PBRM1: variants seen among roughly 807,000 people sequenced by gnomAD.
PBRM1 encodes the protein polybromo 1, also known as protein polybromo-1.
PBRM1 carries 27 observed loss-of-function variants against 194.5 expected under a neutral mutation model. That is an observed-to-expected ratio of 0.14 (90% CI 0.10 to 0.19). The LOEUF (loss-of-function observed/expected upper bound fraction) is 0.19, where lower values mean the gene tolerates loss of function less well. PBRM1 is among the 10% of genes least tolerant of loss of function. The pLI is 1.00. For missense variants in PBRM1, 1,466 were observed against 2,077.2 expected, an observed-to-expected ratio of 0.71 and a Z score of 5.72; for synonymous variants, 655 against 693.2, an observed-to-expected ratio of 0.94 and a Z score of 0.87.
At chr3:52,613,337 G>GT (rs577658031) in intron 15 of PBRM1, among the ~76,000 whole-genome samples, 18,223 of 140,048 alleles carry the variant, frequency 0.13, 2,758 homozygotes, top group African/African-American at 0.37. Context: ...GGACTATTCT[G>GT]TTTTTTTTTT....
chr3:52,602,667 C>T (rs1045084376), intron 17 of PBRM1, among the ~76,000 whole-genome samples: 9 of 152,216 alleles, frequency 5.9e-5, no homozygotes, highest in African/African-American at 2.2e-4. Flanking sequence ...ATAGATTCCC[C>T]TCTCCCCTAA....
intron 20 of PBRM1, among the ~76,000 whole-genome samples, chr3:52,583,852 C>T (rs1190801583): frequency 6.6e-6 from 1 of 151,976 alleles, no homozygotes; most frequent in African/African-American, 2.4e-5. Flanking sequence ...GCTATGTTGC[C>T]CAGGGTGGTC....
chr3:52,673,671 CAAAAA>C (rs1324914906), intron 2 of PBRM1, among the ~76,000 whole-genome samples: 1 of 39,254 alleles, frequency 2.5e-5, no homozygotes, highest in Non-Finnish European at 6.2e-5. Flanking sequence ...GACTCCATCT[CAAAAA>C]AAAAAAAAAA....
At chr3:52,592,067 C>T (rs2093130695) in intron 17 of PBRM1, among the ~76,000 whole-genome samples, 1 of 151,036 alleles carries the variant, frequency 6.6e-6, no homozygotes, top group African/African-American at 2.4e-5. Context: ...CCTTGTGATC[C>T]ACCCGCCTCA....
intron 2 of PBRM1, among the ~76,000 whole-genome samples, chr3:52,670,124 T>C (rs1442061218): frequency 6.6e-6 from 1 of 152,216 alleles, no homozygotes; most frequent in Non-Finnish European, 1.5e-5. Context: ...CTAAGGGGAC[T>C]ATCTGTAGAC....
chr3:52,662,553 C>T (rs2096745637), intron 3 of PBRM1, among the ~76,000 whole-genome samples: 1 of 152,132 alleles, frequency 6.6e-6, no homozygotes, highest in South Asian at 2.1e-4. Context: ...TATGACCGGG[C>T]ACAGTGGCTC....
chr3:52,554,940 A>G, intron 26 of PBRM1, 61 bp from the exon 29 acceptor site: 1 of 1,416,208 alleles, frequency 7.1e-7, no homozygotes, highest in Non-Finnish European at 9.9e-7. Context: ...GCTAAGTAAT[A>G]ACAACCAACC....
At chr3:52,658,122 T>G in intron 5 of PBRM1, 77 bp downstream of exon 6, 1 of 762,070 alleles carries the variant, frequency 1.3e-6, no homozygotes, top group Admixed American at 1.9e-5. Context: ...TTACTTTATT[T>G]ATCAGTAATT....
intron 24 of PBRM1, among the ~76,000 whole-genome samples, chr3:52,562,924 A>T (rs2084025026): frequency 6.6e-6 from 1 of 152,186 alleles, no homozygotes; most frequent in South Asian, 2.1e-4. Context: ...GGAGAGATTA[A>T]AAAGACACGG....
downstream of PBRM1, chr3:52,545,863 T>G (rs2079616040): frequency 4.3e-6 from 1 of 233,076 alleles, no homozygotes; most frequent in Non-Finnish European, 8.5e-6. Flanking sequence ...TTTTTTTCTT[T>G]TTTGAAGATG....
At chr3:52,664,009 G>A (rs1302310164) in intron 3 of PBRM1, among the ~76,000 whole-genome samples, 1 of 150,262 alleles carries the variant, frequency 6.7e-6, no homozygotes, top group Non-Finnish European at 1.5e-5. Flanking sequence ...GCAGTAAGCC[G>A]AGATAGCGCC....
chr3:52,604,488 G>T (rs1171001871), intron 16 of PBRM1, among the ~76,000 whole-genome samples: 1 of 152,014 alleles, frequency 6.6e-6, no homozygotes, highest in African/African-American at 2.4e-5. Context: ...ACTGCTTAAG[G>T]CCAGGAGTTT....
At chr3:52,604,493 G>C (rs989466469) in intron 16 of PBRM1, among the ~76,000 whole-genome samples, 2 of 152,152 alleles carry the variant, frequency 1.3e-5, no homozygotes, top group Non-Finnish European at 2.9e-5. Context: ...TTAAGGCCAG[G>C]AGTTTGAGAC....
chr3:52,629,843 G>A (rs1393549856), intron 11 of PBRM1, among the ~76,000 whole-genome samples: 1 of 152,232 alleles, frequency 6.6e-6, no homozygotes. Flanking sequence ...ACAATAATAT[G>A]TATAAACAGC....
At chr3:52,610,110 C>T (rs960432373) in intron 15 of PBRM1, among the ~76,000 whole-genome samples, 155 bp from the exon 18 acceptor site, 33 of 152,098 alleles carry the variant, frequency 2.2e-4, no homozygotes, top group Non-Finnish European at 5.9e-5. Flanking sequence ...CAAAAAAGTA[C>T]TAAAAATTTT....
intron 13 of PBRM1, among the ~76,000 whole-genome samples, chr3:52,625,700 G>A (rs371524308): frequency 2.6e-5 from 4 of 151,438 alleles, no homozygotes; most frequent in African/African-American, 4.8e-5. Flanking sequence ...TCAGCCTCCC[G>A]AGTAGCTGGG....
At chr3:52,677,357 C>T (rs2154050671) in intron 2 of PBRM1, among the ~76,000 whole-genome samples, 2 of 152,070 alleles carry the variant, frequency 1.3e-5, no homozygotes, top group South Asian at 4.2e-4. Flanking sequence ...AATTCTCCTG[C>T]CTCAGCCTCC....
chr3:52,563,010 C>T (rs76759198), intron 24 of PBRM1, among the ~76,000 whole-genome samples: 1,956 of 152,144 alleles, frequency 0.013, 16 homozygotes, highest in South Asian at 0.03. Context: ...AGTCTTCTAA[C>T]TAAGCCCACC....
chr3:52,668,416 G>A (rs2153985243), intron 3 of PBRM1, 82 bp downstream of exon 4: 3 of 987,694 alleles, frequency 3.0e-6, no homozygotes, highest in Non-Finnish European at 3.0e-6. Context: ...CTACTCACCT[G>A]CCAGGTTTAT....
Sources: allele counts gnomAD v4.1 joint callset (sites outside exome capture counted in the v4.1 genomes callset), GRCh38; gene constraint gnomAD v4.1.1; transcripts MANE v1.5; gene names NCBI Gene and HGNC (gene_info 2026-07-23, HGNC 2026-07-21).